Variants in PIP4K2A observed in about 807,000 individuals in gnomAD.
PIP4K2A encodes phosphatidylinositol 5-phosphate 4-kinase type-2 alpha.
A neutral mutation model predicts 42.9 loss-of-function variants in PIP4K2A; 14 were observed. The ratio of observed to expected loss-of-function variants is 0.33; its 90% CI spans 0.22 to 0.51. The LOEUF (loss-of-function observed/expected upper bound fraction) is 0.51, where lower values mean the gene tolerates loss of function less well. Among genes scored for constraint, PIP4K2A ranks in the 20% least tolerant of loss-of-function variants. The pLI, the probability that PIP4K2A is intolerant of heterozygous loss-of-function variation, is 0.97. For synonymous variants in PIP4K2A, 192 were observed against 192.2 expected (o/e 1.00, Z 0.01); for missense variants, 434 against 519.8 (o/e 0.83, Z 1.61).
chr10:22,670,613 C>T (rs984565724), intron 1 of PIP4K2A, among the ~76,000 whole-genome samples: 10 of 152,122 alleles, frequency 6.6e-5, no homozygotes, highest in Non-Finnish European at 1.2e-4. Context: ...TCACCCATAT[C>T]GTCTGCATTT....
At chr10:22,571,044 G>C (rs1015385946) in intron 5 of PIP4K2A, among the ~76,000 whole-genome samples, 2 of 152,108 alleles carry the variant, frequency 1.3e-5, no homozygotes, top group Admixed American at 6.5e-5. Context: ...TCTAGACCCA[G>C]GAGTACACGT....
chr10:22,640,898 G>A (rs1419171794), intron 1 of PIP4K2A, among the ~76,000 whole-genome samples: 1 of 151,924 alleles, frequency 6.6e-6, no homozygotes, highest in Non-Finnish European at 1.5e-5. Flanking sequence ...AGACCTAGTG[G>A]GAAAATAACA....
intron 6 of PIP4K2A, 73 bp from the exon 7 acceptor site, chr10:22,550,845 C>G (rs1384493400): frequency 1.2e-5 from 11 of 886,924 alleles, no homozygotes; most frequent in East Asian, 4.8e-5. Context: ...ACCTTCCAAC[C>G]CTGGACACTG....
chr10:22,591,581 C>G, intron 4 of PIP4K2A, 48 bp downstream of exon 4: 1 of 1,427,420 alleles, frequency 7.0e-7, no homozygotes, highest in South Asian at 1.3e-5. Flanking sequence ...GAAATCGCTA[C>G]GCATGTTAAT....
intron 1 of PIP4K2A, among the ~76,000 whole-genome samples, chr10:22,656,245 T>C (rs370591147): frequency 1.3e-5 from 2 of 152,238 alleles, no homozygotes; most frequent in African/African-American, 4.8e-5. Flanking sequence ...TTCTGGTTAG[T>C]GTCCTGTGTC....
intron 1 of PIP4K2A, among the ~76,000 whole-genome samples, chr10:22,688,686 A>G (rs1588708413): frequency 6.6e-6 from 1 of 152,076 alleles, no homozygotes; most frequent in Non-Finnish European, 1.5e-5. Flanking sequence ...CTCCTGGGCT[A>G]AAGTGATCCT....
chr10:22,666,917 C>T (rs895181847), intron 1 of PIP4K2A, among the ~76,000 whole-genome samples: 5 of 152,128 alleles, frequency 3.3e-5, no homozygotes, highest in East Asian at 1.9e-4. Flanking sequence ...AATCATTGGC[C>T]GATGCCATTC....
chr10:22,649,312 C>A (rs918920998), intron 1 of PIP4K2A, among the ~76,000 whole-genome samples: 4 of 152,184 alleles, frequency 2.6e-5, no homozygotes, highest in African/African-American at 9.7e-5. Context: ...GATTTTCCAG[C>A]TCCCCAAAAG....
chr10:22,573,649 A>G (rs1837042633), intron 4 of PIP4K2A, among the ~76,000 whole-genome samples, 192 bp from the exon 5 acceptor site: 1 of 152,262 alleles, frequency 6.6e-6, no homozygotes, highest in Admixed American at 6.5e-5. Flanking sequence ...CACAGAAAAG[A>G]AAATTCAATT....
intron 1 of PIP4K2A, among the ~76,000 whole-genome samples, chr10:22,631,724 A>G (rs1269055109): frequency 6.6e-6 from 1 of 152,276 alleles, no homozygotes; most frequent in African/African-American, 2.4e-5. Flanking sequence ...AGCAATTTGC[A>G]AATACCACAG....
chr10:22,646,743 T>G (rs1342334967), intron 1 of PIP4K2A, among the ~76,000 whole-genome samples: 1 of 152,206 alleles, frequency 6.6e-6, no homozygotes, highest in African/African-American at 2.4e-5. Context: ...TGGGGAGCAC[T>G]GTTGTTTGCA....
intron 1 of PIP4K2A, among the ~76,000 whole-genome samples, chr10:22,637,265 C>A (rs187009228): frequency 6.6e-6 from 1 of 152,096 alleles, no homozygotes; most frequent in East Asian, 1.9e-4. Flanking sequence ...CTTTTCAAAC[C>A]GTTATATCCT....
intron 6 of PIP4K2A, among the ~76,000 whole-genome samples, chr10:22,560,643 A>T (rs1240392944): frequency 3.3e-5 from 5 of 152,222 alleles, no homozygotes; most frequent in Non-Finnish European, 5.9e-5. Context: ...ATACAGTTAC[A>T]CAAATGCCAA....
At chr10:22,596,206 A>AAAAAAAAAAAC (rs1837632035) in intron 3 of PIP4K2A, among the ~76,000 whole-genome samples, 1 of 8,906 alleles carries the variant, frequency 1.1e-4, no homozygotes, top group African/African-American at 4.2e-4. Context: ...ACTCCGTCTC[A>AAAAAAAAAAAC]AAAAAAAAAA....
chr10:22,691,562 C>T (rs550464723), intron 1 of PIP4K2A: 1 of 152,152 alleles, frequency 6.6e-6, no homozygotes, highest in South Asian at 2.1e-4. Context: ...CTCACATGAT[C>T]ATTTGTGTAA....
chr10:22,560,952 C>T (rs1836677386), intron 6 of PIP4K2A, among the ~76,000 whole-genome samples: 1 of 152,200 alleles, frequency 6.6e-6, no homozygotes, highest in African/African-American at 2.4e-5. Flanking sequence ...CTGAGTCGCT[C>T]GCTAGCAGGC....
chr10:22,700,744 C>G (rs1473101164), intron 1 of PIP4K2A, among the ~76,000 whole-genome samples: 1 of 152,186 alleles, frequency 6.6e-6, no homozygotes, highest in Non-Finnish European at 1.5e-5. Context: ...TAACACCTTC[C>G]TCAAAGTCCA....
chr10:22,678,068 C>T (rs1314807677), intron 1 of PIP4K2A, among the ~76,000 whole-genome samples: 2 of 152,122 alleles, frequency 1.3e-5, no homozygotes, highest in Non-Finnish European at 2.9e-5. Context: ...AGCTCCTGTA[C>T]ATTTTTCACT....
chr10:22,695,682 T>C (rs1839955695), intron 1 of PIP4K2A, among the ~76,000 whole-genome samples: 2 of 152,180 alleles, frequency 1.3e-5, no homozygotes, highest in Admixed American at 1.3e-4. Flanking sequence ...ACTCCCCAGA[T>C]GCTCAAGTCC....
Sources: gnomAD v4.1 joint callset for allele counts (sites outside exome capture counted in the v4.1 genomes callset) on GRCh38, gnomAD v4.1.1 for gene constraint, MANE v1.5 for transcripts, NCBI Gene and HGNC (gene_info 2026-07-23, HGNC 2026-07-21) for gene names.